Variants in HIPK1 observed in about 807,000 individuals in gnomAD.
HIPK1 encodes the protein homeodomain-interacting protein kinase 1.
Under a neutral mutation model 117.1 loss-of-function variants are expected in HIPK1, and 28 were observed. That is an observed-to-expected ratio of 0.24 (90% CI 0.18 to 0.33). The LOEUF (loss-of-function observed/expected upper bound fraction) is 0.33. Ranked by LOEUF, HIPK1 falls within the 10% of genes least tolerant of loss-of-function variation. HIPK1 has a pLI of 1.00. For missense variants in HIPK1, 1,122 were observed against 1,475.1 expected (o/e 0.76, Z 3.92); for synonymous variants, 605 against 562.5 (o/e 1.08, Z -1.07).
intron 1 of HIPK1, among the ~76,000 whole-genome samples, chr1:113,939,880 C>G (rs982969922): frequency 6.6e-6 from 1 of 151,510 alleles, no homozygotes; most frequent in Non-Finnish European, 1.5e-5. Flanking sequence ...TTCTTACATC[C>G]TTTCCTCATA....
chr1:113,969,657 C>T (rs1252164810), intron 13 of HIPK1, among the ~76,000 whole-genome samples: 3 of 152,142 alleles, frequency 2.0e-5, no homozygotes, highest in Admixed American at 6.5e-5. Flanking sequence ...TGCCTGCAAT[C>T]CTAGCACTTT....
At chr1:113,949,700 G>A (rs998683729) in intron 2 of HIPK1, among the ~76,000 whole-genome samples, 3 of 150,896 alleles carry the variant, frequency 2.0e-5, no homozygotes, top group Admixed American at 6.6e-5. Context: ...CTGGGTTCAA[G>A]CAATTCTCCT....
chr1:113,943,927 A>G (rs1030791365), intron 2 of HIPK1, among the ~76,000 whole-genome samples: 1 of 151,976 alleles, frequency 6.6e-6, no homozygotes, highest in African/African-American at 2.4e-5. Context: ...CAGTCCTCCC[A>G]CTTCAGCCTC....
At chr1:113,966,835 TC>T (rs1200990440) in intron 11 of HIPK1, among the ~76,000 whole-genome samples, 1 of 151,022 alleles carries the variant, frequency 6.6e-6, no homozygotes, top group East Asian at 1.9e-4. Context: ...TAGTTCTTAT[TC>T]TTTTTTTTTT....
Position 113,955,453 on chromosome 1 carries a change from A to G in HIPK1, c.1321-110A>G, listed in dbSNP as rs190321176. The G allele has an allele frequency of 2.0e-3, 1,326 of 675,876 alleles. 10 individuals carry two copies. Among genetic ancestry groups the G allele is most frequent in the African/African-American group, 0.015 (823 of 55,394 alleles). The allele number at this position is 675,876 out of a possible 1,614,324, so 41.9% of individuals were successfully genotyped here. A position where few individuals can be genotyped will look rare whatever the true frequency, so the allele number is the denominator to read the frequency against. On this transcript the variant is annotated intron_variant, in intron 4 of 15. Coordinates refer to ENST00000426820, the MANE Select transcript of HIPK1 (RefSeq NM_198268.3). ...TGAATTACTTTCATGTTTGCCATCT[A>G]TGGTTGGCAAGGTGACCACACTTGT... is the stretch of plus-strand genomic sequence containing the variant.
chr1:113,943,383 AT>A (rs2101193796), intron 2 of HIPK1, among the ~76,000 whole-genome samples: 1 of 152,170 alleles, frequency 6.6e-6, no homozygotes, highest in South Asian at 2.1e-4. Context: ...ATCATACAAT[AT>A]TTGTCTTTTT....
At chr1:113,972,171 C>T in intron 15 of HIPK1, 1 of 1,346,510 alleles carries the variant, frequency 7.4e-7, no homozygotes, top group Non-Finnish European at 9.9e-7. Flanking sequence ...TTCCATCAGA[C>T]CTCCCTAAGT....
chr1:113,933,495 G>A (rs1670037276), intron 1 of HIPK1, among the ~76,000 whole-genome samples: 1 of 151,940 alleles, frequency 6.6e-6, no homozygotes, highest in African/African-American at 2.4e-5. Context: ...TGGGGGATAG[G>A]TACACTTTTT....
intron 8 of HIPK1, among the ~76,000 whole-genome samples, chr1:113,959,058 A>T (rs1462949955): frequency 6.6e-6 from 1 of 152,104 alleles, no homozygotes; most frequent in Non-Finnish European, 1.5e-5. Context: ...ATCATTTGGT[A>T]AGCCATTTAG....
At chr1:113,953,581 G>A (rs1220993145) in intron 3 of HIPK1, among the ~76,000 whole-genome samples, 13 of 151,176 alleles carry the variant, frequency 8.6e-5, no homozygotes, top group African/African-American at 1.7e-4. Context: ...GCAGTGGCGC[G>A]ATCTCGGCTC....
intron 2 of HIPK1, among the ~76,000 whole-genome samples, chr1:113,952,197 C>T (rs920695304): frequency 1.3e-5 from 2 of 151,956 alleles, no homozygotes; most frequent in Non-Finnish European, 2.9e-5. Context: ...CTTCGGCTTC[C>T]CAAAGTGCTG....
chr1:113,943,187 CTGTT>C (rs1300176197), intron 2 of HIPK1, among the ~76,000 whole-genome samples: 2 of 152,224 alleles, frequency 1.3e-5, no homozygotes, highest in African/African-American at 4.8e-5. Flanking sequence ...TCACTGCTGT[CTGTT>C]AAGTATATTC....
At position 113,940,716 on chromosome 1, in the gene HIPK1, C is replaced by A. The variant is rs776944920; in HGVS notation, c.333C>A (p.Asn111Lys). ...GCCAGACCCTGACTCACAGAAGCAA[C>A]GTTTCTTTGCTTGAGCCATATCAAA... is the stretch of plus-strand genomic sequence containing the variant. The part of the protein sequence containing the change: ...QSSQTLTHRS[N>K]VSLLEPYQKC... Residue 111 changes from asparagine to lysine, a missense_variant, in exon 2 of 16, where the codon AAC (asparagine) becomes AAA (lysine). By Grantham distance (94) the Asn-to-Lys change is moderately conservative. This residue lies in a region of HIPK1 where 192 missense variants were observed against 234.0 expected (regional missense o/e 0.82). Transcript: ENST00000426820. 11 of 1,614,144 alleles carry A rather than the reference C, an allele frequency of 6.8e-6. No individual in the cohort carries two copies. The Admixed American group carries it at 1.7e-4, about 24-fold the overall frequency.
At chr1:113,969,846 G>A (rs1461362890) in intron 13 of HIPK1, 110 bp from the exon 14 acceptor site, 5 of 1,209,236 alleles carry the variant, frequency 4.1e-6, no homozygotes, top group Admixed American at 1.8e-5. Context: ...GGTTGAGGTC[G>A]CAGCGAGCTG....
Position 113,966,181 on chromosome 1 carries a change from C to A in HIPK1, c.2290C>A (p.Gln764Lys). 1 of 1,613,888 alleles carries A rather than the reference C, an allele frequency of 6.2e-7. No homozygotes were observed. Among genetic ancestry groups the A allele is most frequent in the Non-Finnish European group, 8.5e-7 (1 of 1,179,910 alleles). The change falls in exon 11 of 16, where the codon CAG (glutamine) becomes AAG (lysine). Residue 764 changes from glutamine to lysine, a missense_variant. Transcript: ENST00000426820. ...QQILLPSTWQ[Q>K]LPGVALHNSV... ...AATTCTCCTGCCTTCAACTTGGCAACAGTTGCCTGGGGTAGCTCTACACAA... is the reference window on the plus strand; with the variant it reads ...AATTCTCCTGCCTTCAACTTGGCAAAAGTTGCCTGGGGTAGCTCTACACAA...
rs149992824 is a variant in HIPK1 at position 113,934,961 on chromosome 1, C to T, written c.-2-5421C>T. On this transcript the variant is annotated intron_variant, in intron 1 of 15. Coordinates refer to ENST00000426820, the MANE Select transcript of HIPK1 (RefSeq NM_198268.3). ...CTGTGATCACACCACTGCATTTCAGCCTCACTGACAGTGGTGAGAACCTGT... is the reference window on the plus strand; with the variant it reads ...CTGTGATCACACCACTGCATTTCAGTCTCACTGACAGTGGTGAGAACCTGT... 3.4e-5 allele frequency among the ~76,000 whole-genome samples: 5 copies of T among 145,470 alleles called. No homozygotes were observed. The East Asian group carries it at 9.9e-4, about 29-fold the overall frequency.
intron 2 of HIPK1, among the ~76,000 whole-genome samples, chr1:113,950,905 A>G (rs1671317922): frequency 3.3e-5 from 5 of 152,244 alleles, no homozygotes; most frequent in Admixed American, 3.3e-4. Context: ...TTTATTGCAT[A>G]GAATCTAACA....
chr1:113,961,984 A>G (rs1672153195), intron 8 of HIPK1, among the ~76,000 whole-genome samples: 1 of 150,518 alleles, frequency 6.6e-6, no homozygotes, highest in Admixed American at 6.6e-5. Context: ...AGTGAATTTA[A>G]TTTACTAAGT....
chr1:113,972,907 T>C (rs938553714), intron 15 of HIPK1, 117 bp from the exon 16 acceptor site: 1 of 1,060,864 alleles, frequency 9.4e-7, no homozygotes, highest in African/African-American at 1.6e-5. Flanking sequence ...TGTGGGAGAT[T>C]ATGTGCTATA....
Sources: allele counts gnomAD v4.1 joint callset (sites outside exome capture counted in the v4.1 genomes callset), GRCh38; gene constraint gnomAD v4.1.1; regional missense constraint gnomAD v4.1.1; transcripts MANE v1.5; gene names NCBI Gene and HGNC (gene_info 2026-07-23, HGNC 2026-07-21).